CCDC91: variants seen among roughly 807,000 people sequenced by gnomAD.
CCDC91 encodes coiled-coil domain-containing protein 91.
Under a neutral mutation model 63.2 loss-of-function variants are expected in CCDC91, and 48 were observed. That is an observed-to-expected ratio of 0.76 (90% confidence interval 0.60 to 0.97). The LOEUF is 0.97. CCDC91 is among the 50% of genes least tolerant of loss of function. The pLI, the probability that CCDC91 is intolerant of heterozygous loss-of-function variation, is 0.00. For synonymous variants in CCDC91, 167 were observed against 165.8 expected, an observed-to-expected ratio of 1.01 and a Z score of -0.06; for missense variants, 500 against 494.6, an observed-to-expected ratio of 1.01 and a Z score of -0.10.
intron 6 of CCDC91, among the ~76,000 whole-genome samples, chr12:28,353,969 A>G (rs1437013517): frequency 6.6e-6 from 1 of 152,128 alleles, no homozygotes; most frequent in African/African-American, 2.4e-5. Context: ...CTGTATGATG[A>G]AATCATCTAT....
chr12:28,218,471 A>G (rs77869485), intron 1 of CCDC91, among the ~76,000 whole-genome samples: 1 of 151,120 alleles, frequency 6.6e-6, no homozygotes. Context: ...ATTAAAAAAA[A>G]AAATCACCAA....
chr12:28,224,106 T>G (rs1354983689), intron 1 of CCDC91, among the ~76,000 whole-genome samples: 1 of 152,172 alleles, frequency 6.6e-6, no homozygotes. Context: ...AAAAACTGTT[T>G]CAAAGAAGTA....
At chr12:28,303,684 CT>C (rs1938336509) in intron 3 of CCDC91, among the ~76,000 whole-genome samples, 1 of 152,070 alleles carries the variant, frequency 6.6e-6, no homozygotes, top group African/African-American at 2.4e-5. Flanking sequence ...CAACACTTTA[CT>C]AAATGCTTTA....
intron 1 of CCDC91, among the ~76,000 whole-genome samples, chr12:28,210,514 G>T (rs542214380): frequency 5.3e-5 from 8 of 152,110 alleles, no homozygotes; most frequent in Non-Finnish European, 1.2e-4. Flanking sequence ...TGGATTACTG[G>T]CTATAGGATG....
At chr12:28,364,047 C>T (rs1015687638) in intron 7 of CCDC91, among the ~76,000 whole-genome samples, 1 of 148,854 alleles carries the variant, frequency 6.7e-6, no homozygotes, top group Non-Finnish European at 1.5e-5. Flanking sequence ...TGTGACCATA[C>T]CCAATATAGT....
chr12:28,346,185 A>G (rs1942798085), intron 6 of CCDC91, among the ~76,000 whole-genome samples: 1 of 152,190 alleles, frequency 6.6e-6, no homozygotes, highest in African/African-American at 2.4e-5. Context: ...CTGGTTATAC[A>G]TCCCAGGGTC....
At position 28,272,859 on chromosome 12, in the gene CCDC91, T is replaced by C. The variant is rs189527126; in HGVS notation, c.109+13417T>C. Among the ~76,000 whole-genome samples, 13 of 152,252 alleles carry C rather than the reference T, an allele frequency of 8.5e-5. No homozygotes were observed. In the East Asian group the frequency reaches 2.5e-3, roughly 29 times the overall value. ...AAAATTCTTTTTTTTTAAATTATAC[T>C]TTAAGTTTTAGAGTACGTGTGCACA... On this transcript the variant is annotated intron_variant, in intron 3 of 12. Transcript: ENST00000536442.
At chr12:28,219,636 T>A (rs1436694806) in intron 1 of CCDC91, among the ~76,000 whole-genome samples, 1 of 151,968 alleles carries the variant, frequency 6.6e-6, no homozygotes, top group East Asian at 1.9e-4. Flanking sequence ...CACACCTGGC[T>A]AATTTTTTGT....
chr12:28,507,177 G>A (rs1355909224), intron 12 of CCDC91, among the ~76,000 whole-genome samples: 1 of 151,946 alleles, frequency 6.6e-6, no homozygotes, highest in African/African-American at 2.4e-5. Flanking sequence ...AACTTCCAGT[G>A]TTCTCCAGTT....
intron 1 of CCDC91, among the ~76,000 whole-genome samples, chr12:28,251,770 G>A (rs1946133463): frequency 6.6e-6 from 1 of 152,084 alleles, no homozygotes; most frequent in Admixed American, 6.6e-5. Flanking sequence ...TTCATTTCTT[G>A]AATACATGTC....
At chr12:28,304,596 T>A in intron 3 of CCDC91, 1 of 976,490 alleles carries the variant, frequency 1.0e-6, no homozygotes, top group African/African-American at 1.7e-5. Flanking sequence ...TTTGTTTATA[T>A]CTAATGGCCT....
chr12:28,200,890 G>T (rs1942194783), intron 1 of CCDC91, among the ~76,000 whole-genome samples: 3 of 151,392 alleles, frequency 2.0e-5, no homozygotes, highest in African/African-American at 4.9e-5. Context: ...CAGGGCGGCT[G>T]GCCGGGCGGG....
chr12:28,211,270 C>T (rs774882153), intron 1 of CCDC91, among the ~76,000 whole-genome samples: 1 of 151,930 alleles, frequency 6.6e-6, no homozygotes, highest in East Asian at 1.9e-4. Flanking sequence ...CATGCCAAGC[C>T]TCTGGGTTTC....
At position 28,549,199 on chromosome 12, in the gene CCDC91, C is replaced by A; in HGVS notation, c.*26C>A. 1.6e-6 allele frequency: 2 copies of A among 1,251,358 alleles called. No individual in the cohort carries two copies. The highest frequency in any genetic ancestry group is 1.2e-5 in the South Asian group (1 of 83,138). 77.5% of individuals were successfully genotyped at this position (1,251,358 alleles called of 1,614,324 possible). On this transcript the variant is annotated 3_prime_UTR_variant, in exon 13 of 13. Coordinates refer to ENST00000536442, the MANE Select transcript of CCDC91 (RefSeq NM_018318.5). ...AAAGAACATGACAAACCCACACTGG[C>A]ATTGGATAAATCATATTACACCTTC... is the stretch of plus-strand genomic sequence containing the variant.
chr12:28,415,664 T>G lies in CCDC91; in HGVS notation c.762+24253T>G, dbSNP rs1314162448. ...TTATTTAACTAATAAAGATATATAT[T>G]TGTGTGTGTGTGTGTGTGTGTGTGT... On this transcript the variant is annotated intron_variant, in intron 8 of 12. Coordinates refer to ENST00000536442, the MANE Select transcript of CCDC91 (RefSeq NM_018318.5). Among the ~76,000 whole-genome samples, 52 of 148,506 alleles carry G rather than the reference T, an allele frequency of 3.5e-4. No individual in the cohort carries two copies. In the East Asian group the frequency reaches 0.01, roughly 29 times the overall value.
intron 11 of CCDC91, among the ~76,000 whole-genome samples, chr12:28,471,554 C>G (rs1291733289): frequency 6.6e-6 from 1 of 152,074 alleles, no homozygotes; most frequent in Non-Finnish European, 1.5e-5. Flanking sequence ...ATTTATTTAA[C>G]AGACCCAGAG....
intron 8 of CCDC91, among the ~76,000 whole-genome samples, chr12:28,441,013 G>A (rs1316942061): frequency 5.9e-5 from 7 of 118,742 alleles, no homozygotes; most frequent in Non-Finnish European, 8.0e-5. Context: ...AGCCAAGATC[G>A]TGCCACTGCT....
At chr12:28,367,696 T>C (rs74390633) in intron 7 of CCDC91, among the ~76,000 whole-genome samples, 3,125 of 152,162 alleles carry the variant, frequency 0.021, 118 homozygotes, top group African/African-American at 0.07. Flanking sequence ...CAGCACCCAC[T>C]ATAATGGTTA....
At chr12:28,298,377 T>TTTTC (rs71039892) in intron 3 of CCDC91, among the ~76,000 whole-genome samples, 3 of 145,048 alleles carry the variant, frequency 2.1e-5, no homozygotes, top group Non-Finnish European at 3.1e-5. Context: ...TTTTTTTTTT[T>TTTTC]CCCCCCACAA....
Sources: gnomAD v4.1 joint callset for allele counts (sites outside exome capture counted in the v4.1 genomes callset) on GRCh38, gnomAD v4.1.1 for gene constraint, MANE v1.5 for transcripts, NCBI Gene and HGNC (gene_info 2026-07-23, HGNC 2026-07-21) for gene names.